FAM234B: variants seen among roughly 807,000 people sequenced by gnomAD.
The protein encoded by FAM234B is protein FAM234B.
In FAM234B, 33 loss-of-function variants were observed where a neutral mutation model predicts 69.3. That is an observed-to-expected ratio of 0.48 (90% CI 0.36 to 0.64). The LOEUF (loss-of-function observed/expected upper bound fraction) is 0.64. Among genes scored for constraint, FAM234B ranks in the 30% least tolerant of loss-of-function variants. The pLI is 0.00. For missense variants in FAM234B, 697 were observed against 769.7 expected (o/e 0.91, Z 1.12); for synonymous variants, 306 against 306.9 (o/e 1.00, Z 0.03).
At chr12:13,058,111 T>C (rs60132769) in intron 2 of FAM234B, among the ~76,000 whole-genome samples, 36,269 of 152,074 alleles carry the variant, frequency 0.24, 5,279 homozygotes, top group East Asian at 0.53. Context: ...TTTGTCTGTA[T>C]CTGTGGTGTT....
In FAM234B at chr12:13,055,959, A is replaced by G. The variant is rs777961626; in HGVS notation, c.433+13A>G. The G allele has an allele frequency of 3.9e-6, 6 of 1,539,700 alleles. No homozygotes were observed. Among genetic ancestry groups the G allele is most frequent in the South Asian group, 3.8e-5 (3 of 78,756 alleles). The stretch of plus-strand genomic sequence containing the variant: ...GGCTCCCAGGGAGGTGAGCTGCAGA[A>G]TCTTCAGCCCTAATCCTGTGAAACT... On this transcript the variant is annotated intron_variant, in intron 2 of 12. Transcript: ENST00000197268.
chr12:13,054,919 A>G (rs1027946667), intron 1 of FAM234B, among the ~76,000 whole-genome samples: 3 of 152,222 alleles, frequency 2.0e-5, no homozygotes, highest in African/African-American at 7.2e-5. Context: ...CTTGCTCAGA[A>G]GAGCAGTTTT....
rs1317411674 is a variant in FAM234B, at chr12:13,082,604, G to A, written c.*1974G>A. 1 of 152,198 alleles carries A rather than the reference G, an allele frequency of 6.6e-6. No homozygotes were observed. Among genetic ancestry groups the A allele is most frequent in the Non-Finnish European group, 1.5e-5 (1 of 68,042 alleles). 9.4% of individuals were successfully genotyped at this position (152,198 alleles called of 1,614,324 possible). Reference sequence around the variant, plus strand: ...TGAATCTACTTGAGTTTAAGGGCCTGGGACCTAATTTGGTTTAGTATAGAA... The same window carrying A: ...TGAATCTACTTGAGTTTAAGGGCCTAGGACCTAATTTGGTTTAGTATAGAA... On this transcript the variant is annotated 3_prime_UTR_variant, in exon 13 of 13. Transcript: ENST00000197268.
chr12:13,045,802 AATAAG>A (rs1864803808), intron 1 of FAM234B, among the ~76,000 whole-genome samples: 2 of 151,942 alleles, frequency 1.3e-5, no homozygotes, highest in South Asian at 4.2e-4. Context: ...CCAGAGGGGT[AATAAG>A]ATGTCAGACA....
rs746335872 is a variant in FAM234B, at chr12:13,068,641, C to T, written c.1298C>T (p.Pro433Leu). The T allele has an allele frequency of 1.2e-6, 2 of 1,612,198 alleles. No individual in the cohort carries two copies. Among genetic ancestry groups the T allele is most frequent in the East Asian group, 2.2e-5 (1 of 44,894 alleles). ...RLQGLRSQPT[P>L]GYFTDDQTLD... ...GTCCTTATTTGCAGCCAGCCTACTC[C>T]TGGATATTTCACTGATGATCAGACA... Residue 433 changes from proline to leucine, a missense_variant, in exon 9 of 13, where the codon CCT becomes CTT. Around this residue, in one of 3 missense-constraint regions of FAM234B, gnomAD observed 313 missense variants for 305.5 expected, o/e 1.02. Coordinates refer to ENST00000197268, the MANE Select transcript of FAM234B (RefSeq NM_020853.2).
chr12:13,074,451 G>A (rs1045046651), intron 10 of FAM234B, among the ~76,000 whole-genome samples: 1 of 152,142 alleles, frequency 6.6e-6, no homozygotes, highest in Non-Finnish European at 1.5e-5. Flanking sequence ...ACCTAAGGAC[G>A]AGAAGTGTAG....
chr12:13,074,578 G>GT (rs1865141006), intron 10 of FAM234B, among the ~76,000 whole-genome samples: 1 of 152,164 alleles, frequency 6.6e-6, no homozygotes, highest in Admixed American at 6.5e-5. Flanking sequence ...TGCAGCATGG[G>GT]GTGGGCAGGT....
Position 13,066,735 on chromosome 12 carries a change from T to C in FAM234B, c.948T>C (p.Gly316=), listed in dbSNP as rs1036039803. 1.2e-6 allele frequency: 2 copies of C among 1,614,098 alleles called. No individual in the cohort carries two copies. The highest frequency in any genetic ancestry group is 2.2e-5 in the East Asian group (1 of 44,866). ...TCGTTGGAGTTGGGAATCTGATTGG[T>C]CCTCAGGTTTACATCACCACAAATG... ...YNIVGVGNLI[G]PQVYITTNGA... is the part of the protein sequence containing the mutation. Residue 316 remains glycine, a synonymous_variant, in exon 6 of 13, where the codon GGT becomes GGC. Coordinates refer to ENST00000197268, the MANE Select transcript of FAM234B (RefSeq NM_020853.2).
chr12:13,068,778 T>C (rs939505761), intron 9 of FAM234B, 67 bp downstream of exon 9: 2 of 1,053,298 alleles, frequency 1.9e-6, no homozygotes, highest in Non-Finnish European at 2.9e-6. Flanking sequence ...CAACCCTGTG[T>C]TAGGCACAGC....
intron 1 of FAM234B, among the ~76,000 whole-genome samples, chr12:13,046,477 TG>T (rs1703867131): frequency 6.6e-6 from 1 of 152,104 alleles, no homozygotes; most frequent in African/African-American, 2.4e-5. Context: ...TTTGTTTTTT[TG>T]AGACGGAGTT....
chr12:13,050,303 AT>A (rs955918784), intron 1 of FAM234B, among the ~76,000 whole-genome samples: 4 of 151,870 alleles, frequency 2.6e-5, no homozygotes, highest in Non-Finnish European at 5.9e-5. Flanking sequence ...TTGCTTAGTA[AT>A]TTTTTTTATG....
chr12:13,058,582 G>A (rs937818443), intron 3 of FAM234B, 33 bp downstream of exon 3: 2 of 1,557,950 alleles, frequency 1.3e-6, no homozygotes, highest in Non-Finnish European at 1.8e-6. Context: ...GGCTGCTACA[G>A]GGGCACTGTC....
chr12:13,072,497 C>T (rs1406835054), intron 10 of FAM234B, among the ~76,000 whole-genome samples: 3 of 151,908 alleles, frequency 2.0e-5, no homozygotes, highest in African/African-American at 7.3e-5. Flanking sequence ...TTTGGGAGGC[C>T]GAGGCAGGAG....
At chr12:13,074,275 C>T (rs1865138757) in intron 10 of FAM234B, among the ~76,000 whole-genome samples, 1 of 152,128 alleles carries the variant, frequency 6.6e-6, no homozygotes, top group South Asian at 2.1e-4. Context: ...AGATAAGTCT[C>T]AAGTGTAGTC....
intron 1 of FAM234B, among the ~76,000 whole-genome samples, chr12:13,051,943 A>G (rs895536605): frequency 1.4e-4 from 21 of 152,244 alleles, no homozygotes; most frequent in Non-Finnish European, 1.5e-5. Flanking sequence ...ATGAGCTAAA[A>G]AGAATAATTA....
In FAM234B at chr12:13,046,751, G is replaced by A. The variant is rs556235275; in HGVS notation, c.37+2311G>A. Reference sequence around the variant, plus strand: ...TGGGATTACAGGCATGAGCCACTGCGTCTGGCCCCAACATCCCCACTGTTT... The same window carrying A: ...TGGGATTACAGGCATGAGCCACTGCATCTGGCCCCAACATCCCCACTGTTT... On this transcript the variant is annotated intron_variant, in intron 1 of 12. Coordinates refer to ENST00000197268, the MANE Select transcript of FAM234B (RefSeq NM_020853.2). 3.3e-5 allele frequency among the ~76,000 whole-genome samples: 5 copies of A among 152,062 alleles called. No homozygotes were observed. In the East Asian group the frequency reaches 7.7e-4, roughly 24 times the overall value.
At chr12:13,062,707 G>A (rs578243176) in intron 4 of FAM234B, 138 bp from the exon 5 acceptor site, 4 of 822,990 alleles carry the variant, frequency 4.9e-6, no homozygotes, top group Non-Finnish European at 5.6e-6. Flanking sequence ...AGACAAAAAC[G>A]AAAGGCAATA....
chr12:13,044,694 G>T lies in FAM234B; in HGVS notation c.37+254G>T, dbSNP rs569452385. ...CGCGCGGGGAGAGGGCGCCGAGCAG[G>T]TGTTACGGCGGGGAATGTCAGAACG... On this transcript the variant is annotated intron_variant, in intron 1 of 12. Transcript: ENST00000197268. The surrounding 1 kb of genome is among the most constrained non-coding windows in gnomAD (Gnocchi z 5.6). Among the ~76,000 whole-genome samples the T allele has an allele frequency of 6.6e-6, 1 of 152,342 alleles. No individual in the cohort carries two copies. Among genetic ancestry groups the T allele is most frequent in the South Asian group, 2.1e-4 (1 of 4,830 alleles).
intron 11 of FAM234B, among the ~76,000 whole-genome samples, chr12:13,078,150 C>T (rs897022464): frequency 3.3e-5 from 5 of 151,636 alleles, no homozygotes; most frequent in African/African-American, 9.7e-5. Context: ...TTGGAGTTCA[C>T]TGTAGATTCT....
Sources: allele counts gnomAD v4.1 joint callset (sites outside exome capture counted in the v4.1 genomes callset), GRCh38; gene constraint gnomAD v4.1.1; regional missense constraint gnomAD v4.1.1; non-coding constraint Gnocchi (gnomAD v3.1); transcripts MANE v1.5; gene names NCBI Gene and HGNC (gene_info 2026-07-23, HGNC 2026-07-21).